ASAP1: variants seen among roughly 807,000 people sequenced by gnomAD.
The protein encoded by ASAP1 is ArfGAP with SH3 domain, ankyrin repeat and PH domain 1.
In ASAP1, 43 loss-of-function variants were observed where a neutral mutation model predicts 145.2. That is an observed-to-expected ratio of 0.30 (90% CI 0.23 to 0.38). The LOEUF is 0.38. ASAP1 is among the 10% of genes least tolerant of loss of function. ASAP1 has a pLI of 1.00. For synonymous variants in ASAP1, 546 were observed against 515.5 expected, an observed-to-expected ratio of 1.06 and a Z score of -0.80; for missense variants, 1,018 against 1,355.3, an observed-to-expected ratio of 0.75 and a Z score of 3.91.
chr8:130,178,560 A>T (rs1814124256), intron 9 of ASAP1, among the ~76,000 whole-genome samples: 1 of 152,250 alleles, frequency 6.6e-6, no homozygotes, highest in South Asian at 2.1e-4. Context: ...TAATGCCCCA[A>T]CTATTTAAAT....
chr8:130,070,470 C>G (rs959921247), intron 27 of ASAP1, among the ~76,000 whole-genome samples: 4 of 152,110 alleles, frequency 2.6e-5, no homozygotes, highest in African/African-American at 9.7e-5. Flanking sequence ...CATGCCCAAG[C>G]CTGCAGAGTG....
intron 27 of ASAP1, among the ~76,000 whole-genome samples, chr8:130,072,830 C>CGCGCGCGCGCACGCGCGCGCACGCGCG (rs1448184178): frequency 3.1e-5 from 1 of 31,920 alleles, no homozygotes; most frequent in East Asian, 1.6e-3. Context: ...TGTGTGCGCG[C>CGCGCGCGCGCACGCGCGCGCACGCGCG]GGGGGGGGGC....
At chr8:130,418,282 G>A (rs937501031) in intron 1 of ASAP1, among the ~76,000 whole-genome samples, 7 of 152,226 alleles carry the variant, frequency 4.6e-5, no homozygotes, top group East Asian at 1.9e-4. Context: ...CGGCACGGTC[G>A]CACACACCTG....
intron 1 of ASAP1, among the ~76,000 whole-genome samples, chr8:130,437,911 T>A (rs1830371722): frequency 6.6e-6 from 1 of 152,172 alleles, no homozygotes; most frequent in Non-Finnish European, 1.5e-5. Context: ...GGGACATACT[T>A]ACTTTTGTTT....
At chr8:130,060,508 G>A (rs180915279) in intron 28 of ASAP1, 71 bp downstream of exon 28, 90 of 1,517,682 alleles carry the variant, frequency 5.9e-5, no homozygotes, top group Non-Finnish European at 7.8e-5. Flanking sequence ...GTAAGTTGGA[G>A]CACCTGCCCT....
intron 3 of ASAP1, among the ~76,000 whole-genome samples, chr8:130,345,180 C>T (rs551311082): frequency 3.3e-5 from 5 of 152,246 alleles, no homozygotes; most frequent in Admixed American, 6.5e-5. Flanking sequence ...TATAACAGAG[C>T]GCAGAAATGC....
At chr8:130,302,960 A>C (rs1822769096) in intron 3 of ASAP1, among the ~76,000 whole-genome samples, 1 of 152,182 alleles carries the variant, frequency 6.6e-6, no homozygotes. Flanking sequence ...AGAGAACTGA[A>C]ATAAAAACAA....
chr8:130,414,759 CT>C (rs548202897), intron 1 of ASAP1, among the ~76,000 whole-genome samples: 4,515 of 140,210 alleles, frequency 0.032, 142 homozygotes, highest in African/African-American at 0.082. Flanking sequence ...TTCTATAACT[CT>C]TTTTTTTTTT....
chr8:130,164,725 G>A (rs2097676493), intron 11 of ASAP1, among the ~76,000 whole-genome samples: 1 of 151,798 alleles, frequency 6.6e-6, no homozygotes, highest in Non-Finnish European at 1.5e-5. Context: ...AAACTTAATA[G>A]AAAAAAAATG....
chr8:130,193,387 A>C (rs760438420), intron 5 of ASAP1, among the ~76,000 whole-genome samples: 1 of 151,816 alleles, frequency 6.6e-6, no homozygotes, highest in Non-Finnish European at 1.5e-5. Flanking sequence ...ACCCCAAAAA[A>C]CAAAAGACAA....
At chr8:130,181,666 T>C (rs1270693413) in intron 7 of ASAP1, among the ~76,000 whole-genome samples, 1 of 152,040 alleles carries the variant, frequency 6.6e-6, no homozygotes, top group East Asian at 1.9e-4. Flanking sequence ...CTTCTGTGTG[T>C]GGGGAGGGGG....
chr8:130,069,417 T>TA, intron 27 of ASAP1: 3 of 152,288 alleles, frequency 2.0e-5, no homozygotes, highest in Non-Finnish European at 2.9e-5. Flanking sequence ...GTGTATTTTA[T>TA]GTAGAGACAG....
intron 2 of ASAP1, among the ~76,000 whole-genome samples, chr8:130,370,126 C>T (rs1184841133): frequency 1.3e-5 from 2 of 152,148 alleles, no homozygotes; most frequent in Admixed American, 1.3e-4. Context: ...CATGGCAAAA[C>T]CCCGTCTCTA....
At chr8:130,139,825 A>G (rs2097605486) in intron 13 of ASAP1, among the ~76,000 whole-genome samples, 3 of 151,680 alleles carry the variant, frequency 2.0e-5, no homozygotes, top group Admixed American at 2.0e-4. Context: ...ATGTGACAGA[A>G]GGTTAACTTT....
chr8:130,176,514 T>C (rs75686460), intron 9 of ASAP1, among the ~76,000 whole-genome samples: 1,674 of 152,238 alleles, frequency 0.011, 27 homozygotes, highest in African/African-American at 0.039. Flanking sequence ...AGGTTTTTAC[T>C]GTGTAGGGTT....
At chr8:130,215,698 C>T (rs879361364) in intron 4 of ASAP1, among the ~76,000 whole-genome samples, 13 of 152,030 alleles carry the variant, frequency 8.6e-5, no homozygotes, top group Middle Eastern at 3.4e-3. Flanking sequence ...GAGCCGAGAC[C>T]GCGTCACTGC....
chr8:130,196,936 A>G (rs1475144799), intron 5 of ASAP1, among the ~76,000 whole-genome samples: 1 of 152,256 alleles, frequency 6.6e-6, no homozygotes, highest in Non-Finnish European at 1.5e-5. Flanking sequence ...AGGTCAAAAA[A>G]TAAAACTAAA....
At chr8:130,270,567 C>G (rs1820527126) in intron 3 of ASAP1, among the ~76,000 whole-genome samples, 1 of 152,202 alleles carries the variant, frequency 6.6e-6, no homozygotes, top group African/African-American at 2.4e-5. Context: ...TTCATAGAAA[C>G]TGTCTTTCAA....
chr8:130,170,914 C>A (rs1167760419), intron 9 of ASAP1, among the ~76,000 whole-genome samples: 1 of 152,040 alleles, frequency 6.6e-6, no homozygotes, highest in Non-Finnish European at 1.5e-5. Context: ...TAAGGTTTTG[C>A]CACATTGCTT....
Sources: gnomAD v4.1 joint callset for allele counts (sites outside exome capture counted in the v4.1 genomes callset) on GRCh38, gnomAD v4.1.1 for gene constraint, MANE v1.5 for transcripts, NCBI Gene and HGNC (gene_info 2026-07-23, HGNC 2026-07-21) for gene names.